PCLAF: variants seen among roughly 807,000 people sequenced by gnomAD.
The protein encoded by PCLAF is PCNA-associated factor.
PCLAF carries 12 observed loss-of-function variants against 15.1 expected under a neutral mutation model. The observed-to-expected ratio is 0.79, with a 90% CI of 0.51 to 1.29. The LOEUF (loss-of-function observed/expected upper bound fraction) is 1.29. PCLAF is among the 50% of genes most tolerant of loss of function. The probability of loss-of-function intolerance (pLI) is 0.00; values close to 1 mark genes in which losing one functional copy is unlikely to be tolerated. For missense variants in PCLAF, 116 were observed against 130.9 expected (o/e 0.89, Z 0.56); for synonymous variants, 33 against 47.1 (o/e 0.70, Z 1.22).
chr15:64,365,345 T>G lies in PCLAF; in HGVS notation c.*685A>C, dbSNP rs2140513948. Reference sequence around the variant, plus strand: ...AGGGTTTACGCTATGTTGCCTGGGCTGGTCTCCAACTCCTGGACTCAAGCA... The same window carrying G: ...AGGGTTTACGCTATGTTGCCTGGGCGGGTCTCCAACTCCTGGACTCAAGCA... On this transcript the variant is annotated 3_prime_UTR_variant, in exon 4 of 4. Coordinates refer to ENST00000300035, the MANE Select transcript of PCLAF (RefSeq NM_014736.6). 1 of 152,928 alleles carries G rather than the reference T, an allele frequency of 6.5e-6. No homozygotes were observed. Among genetic ancestry groups the G allele is most frequent in the Admixed American group, 6.5e-5 (1 of 15,284 alleles). The allele number at this position is 152,928 out of a possible 1,614,324, so 9.5% of individuals were successfully genotyped here.
At chr15:64,367,396 G>A (rs977373089) in intron 3 of PCLAF, among the ~76,000 whole-genome samples, 7 of 151,470 alleles carry the variant, frequency 4.6e-5, no homozygotes, top group African/African-American at 1.5e-4. Context: ...CCAGCTACTT[G>A]GGAGGCTCAG....
intron 2 of PCLAF, among the ~76,000 whole-genome samples, chr15:64,379,412 T>A (rs567035515): frequency 6.6e-6 from 1 of 150,972 alleles, no homozygotes; most frequent in South Asian, 2.1e-4. Flanking sequence ...AACCCTGGGG[T>A]CAAATCTGCA....
At chr15:64,374,537 T>G (rs1264910614) in intron 3 of PCLAF, among the ~76,000 whole-genome samples, 1 of 147,172 alleles carries the variant, frequency 6.8e-6, no homozygotes, top group Non-Finnish European at 1.5e-5. Context: ...AAACTCCGTC[T>G]CAAAAAAAAA....
intron 3 of PCLAF, among the ~76,000 whole-genome samples, chr15:64,368,990 G>C (rs1437660136): frequency 6.6e-6 from 1 of 152,142 alleles, no homozygotes; most frequent in Admixed American, 6.5e-5. Flanking sequence ...AGGAAGAAAG[G>C]TGCCAGACAA....
upstream of PCLAF, among the ~76,000 whole-genome samples, chr15:64,383,788 C>T (rs1043679474): frequency 6.6e-6 from 1 of 152,156 alleles, no homozygotes; most frequent in African/African-American, 2.4e-5. Context: ...ATAGTCTTTT[C>T]TCCTTGCCCA....
chr15:64,385,731 T>C (rs915101457), upstream of PCLAF, among the ~76,000 whole-genome samples: 1 of 152,080 alleles, frequency 6.6e-6, no homozygotes, highest in Non-Finnish European at 1.5e-5. Context: ...GAGACTGGCA[T>C]GTGAGTCAGT....
At position 64,365,710 on chromosome 15, in the gene PCLAF, A is replaced by G. The variant is rs184951161; in HGVS notation, c.*320T>C. 3.2e-5 allele frequency: 9 copies of G among 282,682 alleles called. No homozygotes were observed. Among genetic ancestry groups the G allele is most frequent in the Admixed American group, 5.5e-5 (1 of 18,110 alleles). The allele number at this position is 282,682 out of a possible 1,614,324, so 17.5% of individuals were successfully genotyped here. A position where few individuals can be genotyped will look rare whatever the true frequency, so the allele number is the denominator to read the frequency against. ...CACCAATAAAAATGGCAGCAGTACAACAATCTAAGCAAATCTCAAATACAA... is the reference window on the plus strand; with the variant it reads ...CACCAATAAAAATGGCAGCAGTACAGCAATCTAAGCAAATCTCAAATACAA... On this transcript the variant is annotated 3_prime_UTR_variant, in exon 4 of 4. Coordinates refer to ENST00000300035, the MANE Select transcript of PCLAF (RefSeq NM_014736.6).
In PCLAF at chr15:64,379,821, C is replaced by T. The variant is rs138754577; in HGVS notation, c.127+1137G>A. Among the ~76,000 whole-genome samples the T allele has an allele frequency of 7.6e-3, 1,154 of 152,234 alleles. 2 individuals carry two copies. Among genetic ancestry groups the T allele is most frequent in the Middle Eastern group, 0.031 (9 of 294 alleles). On this transcript the variant is annotated intron_variant, in intron 2 of 3. Transcript: ENST00000300035. ...GAGCAGCGTGAAGCTATTTCCTTTG[C>T]CGGGTTTCACTCCTACTCTCCCAAA...
upstream of PCLAF, among the ~76,000 whole-genome samples, chr15:64,385,166 C>A (rs529878420): frequency 6.6e-6 from 1 of 152,068 alleles, no homozygotes; most frequent in Non-Finnish European, 1.5e-5. Flanking sequence ...CTGAGATTAC[C>A]GGTGTGGGCT....
In PCLAF at chr15:64,373,668, C is replaced by A. The variant is rs1025697398; in HGVS notation, c.290+3075G>T. On this transcript the variant is annotated intron_variant, in intron 3 of 3. Coordinates refer to ENST00000300035, the MANE Select transcript of PCLAF (RefSeq NM_014736.6). ...AGGAGCAGCGCCAGAAGTAGCAGAC[C>A]CAGAATGAGCATCGCCACCATCCCC... 50 of 1,533,208 alleles carry A rather than the reference C, an allele frequency of 3.3e-5. 1 individual carries two copies. The highest frequency in any genetic ancestry group is 4.4e-5 in the Non-Finnish European group (50 of 1,145,568). 95.0% of individuals were successfully genotyped at this position (1,533,208 alleles called of 1,614,324 possible).
At chr15:64,371,328 C>T (rs1287143184) in intron 3 of PCLAF, among the ~76,000 whole-genome samples, 3 of 151,804 alleles carry the variant, frequency 2.0e-5, no homozygotes, top group East Asian at 3.9e-4. Context: ...TGCAGTAGCG[C>T]GATCTCAGCT....
intron 2 of PCLAF, among the ~76,000 whole-genome samples, chr15:64,379,556 T>C (rs1899745350): frequency 6.6e-6 from 1 of 152,076 alleles, no homozygotes; most frequent in Non-Finnish European, 1.5e-5. Context: ...CTAAAAAAAT[T>C]CATCAACTTC....
rs185498928 is a variant in PCLAF at position 64,369,084 on chromosome 15, A to T, written c.291-3009T>A. Among the ~76,000 whole-genome samples the T allele has an allele frequency of 1.1e-4, 17 of 152,280 alleles. 1 individual carries two copies. In the East Asian group the frequency reaches 3.3e-3, roughly 29 times the overall value. ...ATCCAAAATGTATCCCTCTGGGGCCAGGCATCATGGCTGAGGCCCGTAATC... is the reference window on the plus strand; with the variant it reads ...ATCCAAAATGTATCCCTCTGGGGCCTGGCATCATGGCTGAGGCCCGTAATC... On this transcript the variant is annotated intron_variant, in intron 3 of 3. Coordinates refer to ENST00000300035, the MANE Select transcript of PCLAF (RefSeq NM_014736.6).
chr15:64,366,021 G>T lies in PCLAF; in HGVS notation c.*9C>A. The T allele has an allele frequency of 6.2e-7, 1 of 1,602,596 alleles. No homozygotes were observed. The highest frequency in any genetic ancestry group is 1.1e-5 in the South Asian group (1 of 90,168). The stretch of plus-strand genomic sequence containing the variant: ...AAGGAGACGTTATTCAAAGATGAAT[G>T]AGAAAGTTCTATTCTTTTTCATCAT... On this transcript the variant is annotated 3_prime_UTR_variant, in exon 4 of 4. Transcript: ENST00000300035.
chr15:64,373,674 T>G, intron 3 of PCLAF: 2 of 1,534,156 alleles, frequency 1.3e-6, no homozygotes, highest in Non-Finnish European at 1.7e-6. Flanking sequence ...AGACCCAGAA[T>G]GAGCATCGCC....
At chr15:64,387,205 C>T (rs1247474870) in intron 1 of PCLAF, among the ~76,000 whole-genome samples, 1 of 151,844 alleles carries the variant, frequency 6.6e-6, no homozygotes, top group Admixed American at 6.6e-5. Flanking sequence ...CACGTGAAAC[C>T]GCGTCGCTAC....
intron 3 of PCLAF, among the ~76,000 whole-genome samples, chr15:64,371,107 T>TGG (rs1212724225): frequency 4.6e-5 from 7 of 151,686 alleles, no homozygotes; most frequent in Non-Finnish European, 1.0e-4. Context: ...TAGCTGGGAC[T>TGG]CCAGGTGCCT....
intron 3 of PCLAF, among the ~76,000 whole-genome samples, chr15:64,371,755 C>G (rs1899324466): frequency 6.6e-6 from 1 of 152,104 alleles, no homozygotes; most frequent in Non-Finnish European, 1.5e-5. Context: ...TGCCACCACA[C>G]CCAGCTAATT....
intron 2 of PCLAF, among the ~76,000 whole-genome samples, chr15:64,377,264 G>A (rs1298088788): frequency 4.6e-5 from 7 of 150,622 alleles, no homozygotes; most frequent in Non-Finnish European, 8.9e-5. Flanking sequence ...TCAGGAGTTC[G>A]AGACCAACCT....
Sources: allele counts gnomAD v4.1 joint callset (sites outside exome capture counted in the v4.1 genomes callset), GRCh38; gene constraint gnomAD v4.1.1; transcripts MANE v1.5; gene names NCBI Gene and HGNC (gene_info 2026-07-23, HGNC 2026-07-21).